Variants in SCTR observed in about 807,000 individuals in gnomAD.
The protein encoded by SCTR is pancreatic secretin receptor.
In SCTR, 56 loss-of-function variants were observed where a neutral mutation model predicts 60.8. The ratio of observed to expected loss-of-function variants is 0.92; its 90% CI spans 0.74 to 1.15. SCTR has a LOEUF of 1.15. Ranked by LOEUF, SCTR falls within the 50% of genes most tolerant of loss-of-function variation. SCTR has a pLI of 0.00. For missense variants in SCTR, 562 were observed against 550.4 expected, an observed-to-expected ratio of 1.02 and a Z score of -0.21; for synonymous variants, 202 against 217.0, an observed-to-expected ratio of 0.93 and a Z score of 0.61.
At chr2:119,444,236 T>C (rs1181767471) in intron 11 of SCTR, among the ~76,000 whole-genome samples, 3 of 146,248 alleles carry the variant, frequency 2.1e-5, no homozygotes, top group South Asian at 4.2e-4. Flanking sequence ...CATATACATA[T>C]GAATATATAC....
At chr2:119,467,967 A>G (rs147907530) in intron 4 of SCTR, among the ~76,000 whole-genome samples, 38 of 152,326 alleles carry the variant, frequency 2.5e-4, no homozygotes, top group Admixed American at 3.9e-4. Context: ...AAAGATTTAT[A>G]TGAAATTACC....
intron 1 of SCTR, among the ~76,000 whole-genome samples, chr2:119,511,727 C>T (rs937259704): frequency 6.6e-6 from 1 of 152,152 alleles, no homozygotes; most frequent in African/African-American, 2.4e-5. Flanking sequence ...GGTATCATGG[C>T]TTTTTCCTTG....
rs1677726907 is a variant in SCTR, at chr2:119,483,499, T to C, written c.194-4581A>G. 2.6e-5 allele frequency among the ~76,000 whole-genome samples: 4 copies of C among 152,010 alleles called. No homozygotes were observed. In the South Asian group the frequency reaches 8.3e-4, roughly 32 times the overall value. On this transcript the variant is annotated intron_variant, in intron 2 of 12. Coordinates refer to ENST00000019103, the MANE Select transcript of SCTR (RefSeq NM_002980.3). ...ATCGTTTCCTGAACACGAGTGACAC[T>C]GCCTTGTTCTCTCCCAGCCCTGGCT...
At chr2:119,477,352 G>A (rs539091868) in intron 3 of SCTR, among the ~76,000 whole-genome samples, 65 of 152,312 alleles carry the variant, frequency 4.3e-4, no homozygotes, top group Middle Eastern at 6.8e-3. Flanking sequence ...GTGATGCCAC[G>A]GTTGTGAGGT....
At chr2:119,457,654 A>G (rs1228509469) in intron 7 of SCTR, among the ~76,000 whole-genome samples, 6 of 151,962 alleles carry the variant, frequency 3.9e-5, no homozygotes, top group African/African-American at 1.2e-4. Context: ...TTGAGGTTGC[A>G]GTGGGCTGTG....
chr2:119,461,329 A>G (rs1460699617), intron 7 of SCTR, among the ~76,000 whole-genome samples: 1 of 152,244 alleles, frequency 6.6e-6, no homozygotes, highest in African/African-American at 2.4e-5. Context: ...TAGATGCCAG[A>G]AACTGGGGCT....
intron 5 of SCTR, 53 bp downstream of exon 5, chr2:119,465,736 A>G: frequency 5.5e-6 from 7 of 1,261,450 alleles, no homozygotes; most frequent in Non-Finnish European, 8.2e-6. Flanking sequence ...AAGAGACCCA[A>G]AGTCTGTACC....
chr2:119,515,520 C>T (rs1435247956), intron 1 of SCTR, among the ~76,000 whole-genome samples: 1 of 152,182 alleles, frequency 6.6e-6, no homozygotes, highest in African/African-American at 2.4e-5. Context: ...ATCCAATCGG[C>T]TGGGCACTGA....
rs922736703 is a variant in SCTR, at chr2:119,524,249, G to T, written c.-23C>A. 1.4e-6 allele frequency: 2 copies of T among 1,414,516 alleles called. No individual in the cohort carries two copies. The highest frequency in any genetic ancestry group is 3.1e-5 in the East Asian group (1 of 32,664). The allele number at this position is 1,414,516 out of a possible 1,614,324, so 87.6% of individuals were successfully genotyped here. On this transcript the variant is annotated 5_prime_UTR_variant, in exon 1 of 13. Coordinates refer to ENST00000019103, the MANE Select transcript of SCTR (RefSeq NM_002980.3). ...CATGGTGCCCGCACGTTCCCCGAGG[G>T]CGCCCCGACGTCCGCCTGCCCGTGC...
intron 1 of SCTR, among the ~76,000 whole-genome samples, chr2:119,503,662 A>T (rs1046482098): frequency 1.3e-5 from 2 of 152,168 alleles, no homozygotes; most frequent in Non-Finnish European, 2.9e-5. Flanking sequence ...GGAATGGAAG[A>T]ATAGGTGGAA....
chr2:119,440,658 G>A (rs1442978327), intron 12 of SCTR, among the ~76,000 whole-genome samples: 1 of 152,170 alleles, frequency 6.6e-6, no homozygotes, highest in Non-Finnish European at 1.5e-5. Context: ...CTGGGCAGAG[G>A]GCCAGCTTAG....
rs567366729 is a variant in SCTR, at chr2:119,480,326, C to T, written c.194-1408G>A. On this transcript the variant is annotated intron_variant, in intron 2 of 12. Coordinates refer to ENST00000019103, the MANE Select transcript of SCTR (RefSeq NM_002980.3). ...AGACGAAGAAAGAGCAAAGGGACTT[C>T]TTACATGGCGGTGGGCAGGAGGACA... Among the ~76,000 whole-genome samples the T allele has an allele frequency of 6.6e-5, 10 of 152,314 alleles. No individual in the cohort carries two copies. In the South Asian group the frequency reaches 2.1e-3, roughly 32 times the overall value.
intron 1 of SCTR, among the ~76,000 whole-genome samples, chr2:119,518,365 G>GCCAT (rs1326171176): frequency 0.028 from 4,307 of 152,272 alleles, 197 homozygotes; most frequent in African/African-American, 0.095. Context: ...GAGGGAGGCG[G>GCCAT]GAGGTGAGAA....
intron 4 of SCTR, among the ~76,000 whole-genome samples, chr2:119,467,293 C>T (rs1440911640): frequency 6.6e-6 from 1 of 151,646 alleles, no homozygotes; most frequent in African/African-American, 2.4e-5. Flanking sequence ...GCAGGAGGCT[C>T]GCTTGAACCC....
In SCTR at chr2:119,449,051, C is replaced by T. The variant is rs557696885; in HGVS notation, c.922-271G>A. ...TTAGTTGCAAGGCAGATCACTCACCCGTGCAGAGCATTGGAAGCCCCCGGG... is the reference window on the plus strand; with the variant it reads ...TTAGTTGCAAGGCAGATCACTCACCTGTGCAGAGCATTGGAAGCCCCCGGG... On this transcript the variant is annotated intron_variant, in intron 9 of 12. Transcript: ENST00000019103. 2.6e-5 allele frequency among the ~76,000 whole-genome samples: 4 copies of T among 152,348 alleles called. No homozygotes were observed. In the East Asian group the frequency reaches 5.8e-4, roughly 22 times the overall value.
At chr2:119,504,463 C>T (rs146859326) in intron 1 of SCTR, among the ~76,000 whole-genome samples, 2,197 of 151,944 alleles carry the variant, frequency 0.014, 46 homozygotes, top group African/African-American at 0.051. Flanking sequence ...TGGTGGCGCA[C>T]ACCTATAATC....
intron 1 of SCTR, among the ~76,000 whole-genome samples, chr2:119,503,826 G>A (rs1359896751): frequency 6.6e-6 from 1 of 152,122 alleles, no homozygotes. Flanking sequence ...CATAAGCTCA[G>A]CAATTGTAAT....
intron 1 of SCTR, among the ~76,000 whole-genome samples, chr2:119,503,339 A>G (rs547564766): frequency 6.6e-6 from 1 of 152,098 alleles, no homozygotes; most frequent in East Asian, 1.9e-4. Context: ...GGCTGAGGCA[A>G]GAGGCTTGCT....
chr2:119,502,890 C>A (rs1364764552), intron 1 of SCTR, among the ~76,000 whole-genome samples: 1 of 151,170 alleles, frequency 6.6e-6, no homozygotes, highest in Admixed American at 6.6e-5. Context: ...CACCTGTAAT[C>A]CCAGCACTTT....
Sources: allele counts gnomAD v4.1 joint callset (sites outside exome capture counted in the v4.1 genomes callset), GRCh38; gene constraint gnomAD v4.1.1; transcripts MANE v1.5; gene names NCBI Gene and HGNC (gene_info 2026-07-23, HGNC 2026-07-21).